The following BORCS8 variants were observed in gnomAD, a reference collection of about 807,000 sequenced individuals.
BORCS8 encodes the protein BLOC-1-related complex subunit 8.
BORCS8 carries 13 observed loss-of-function variants against 18.7 expected under a neutral mutation model. That is an observed-to-expected ratio of 0.70 (90% CI 0.45 to 1.11). The LOEUF is 1.11. BORCS8 is among the 50% of genes least tolerant of loss of function. The probability of loss-of-function intolerance (pLI) is 0.00; values close to 1 mark genes in which losing one functional copy is unlikely to be tolerated. For synonymous variants in BORCS8, 68 were observed against 64.8 expected (o/e 1.05, Z -0.24); for missense variants, 165 against 165.7 (o/e 1.00, Z 0.02).
chr19:19,183,850 G>A (rs904157403), intron 3 of BORCS8, among the ~76,000 whole-genome samples: 5 of 151,538 alleles, frequency 3.3e-5, no homozygotes, highest in Non-Finnish European at 7.4e-5. Context: ...GATTACAGGC[G>A]TGAGCCACTG....
intron 5 of BORCS8, chr19:19,179,306 C>T (rs2238669): frequency 0.33 from 50,374 of 152,564 alleles, 8,826 homozygotes; most frequent in Non-Finnish European, 0.39. Flanking sequence ...CCAGGCCACC[C>T]CTCAGCCTGT....
At chr19:19,188,155 G>A (rs539761678) in intron 1 of BORCS8, among the ~76,000 whole-genome samples, 41 of 151,706 alleles carry the variant, frequency 2.7e-4, no homozygotes, top group African/African-American at 8.7e-4. Flanking sequence ...TCAGCCTCCC[G>A]CGTAGCTGGG....
In BORCS8 at chr19:19,188,130, C is replaced by T. The variant is rs190833322; in HGVS notation, c.38-1125G>A. Among the ~76,000 whole-genome samples the T allele has an allele frequency of 6.8e-4, 103 of 151,868 alleles. 1 individual carries two copies. Among genetic ancestry groups the T allele is most frequent in the Admixed American group, 5.2e-3 (79 of 15,222 alleles). On this transcript the variant is annotated intron_variant, in intron 1 of 5. Coordinates refer to ENST00000462790, the MANE Select transcript of BORCS8 (RefSeq NM_001145784.2). The stretch of plus-strand genomic sequence containing the variant: ...CTGCAAGCTCCACCTCCTGGGTTCA[C>T]GTCATTCTCCCGGCTCAGCCTCCCG...
At chr19:19,188,669 C>A (rs529109722) in intron 1 of BORCS8, among the ~76,000 whole-genome samples, 2 of 148,460 alleles carry the variant, frequency 1.3e-5, no homozygotes, top group African/African-American at 5.1e-5. Context: ...GTGTCCCTCG[C>A]TGGGCACTGA....
At chr19:19,180,514 G>A (rs1478476760) in intron 5 of BORCS8, 172 bp downstream of exon 5, 5 of 626,474 alleles carry the variant, frequency 8.0e-6, no homozygotes, top group African/African-American at 1.8e-5. Flanking sequence ...GCAGCAGGGT[G>A]GAACATTCTG....
At chr19:19,177,719 A>G (rs1298950983) in intron 5 of BORCS8, 35 of 168,194 alleles carry the variant, frequency 2.1e-4, no homozygotes, top group African/African-American at 2.8e-4. Context: ...AAAAGAAAAG[A>G]AAAGAAAAGA....
chr19:19,184,197 A>C (rs897294853), intron 3 of BORCS8, among the ~76,000 whole-genome samples: 1 of 151,784 alleles, frequency 6.6e-6, no homozygotes, highest in African/African-American at 2.4e-5. Context: ...TAACGAGTTA[A>C]AATTGAAGTG....
At chr19:19,181,353 GTA>G (rs1468502695) in intron 4 of BORCS8, among the ~76,000 whole-genome samples, 1 of 151,728 alleles carries the variant, frequency 6.6e-6, no homozygotes, top group Non-Finnish European at 1.5e-5. Flanking sequence ...AAATATATAT[GTA>G]TGTTTTTAAA....
At position 19,187,023 on chromosome 19, in the gene BORCS8, G is replaced by C; in HGVS notation, c.38-18C>G. ...GTCCGTGACTAGATACAGGTGGTAG[G>C]GATGGGGCGGGTGTGGGGAGACAAA... On this transcript the variant is annotated intron_variant, in intron 1 of 5. Transcript: ENST00000462790. The C allele has an allele frequency of 6.5e-7, 1 of 1,537,306 alleles. No homozygotes were observed. Among genetic ancestry groups the C allele is most frequent in the East Asian group, 2.5e-5 (1 of 40,712 alleles).
At chr19:19,189,737 G>A (rs1173072036) in intron 1 of BORCS8, among the ~76,000 whole-genome samples, 3 of 152,200 alleles carry the variant, frequency 2.0e-5, no homozygotes, top group South Asian at 2.1e-4. Context: ...GAGACATGGC[G>A]AAACCCCACC....
intron 3 of BORCS8, among the ~76,000 whole-genome samples, chr19:19,183,588 C>CTT (rs879379985): frequency 1.4e-5 from 2 of 143,628 alleles, no homozygotes; most frequent in Non-Finnish European, 3.1e-5. Flanking sequence ...TTTTTTCTTT[C>CTT]TTTTTTTTTT....
intron 5 of BORCS8, chr19:19,178,866 G>T (rs73537429): frequency 0.16 from 23,761 of 151,576 alleles, 2,068 homozygotes; most frequent in East Asian, 0.37. Context: ...AGGCTGAAGC[G>T]GGATAATCGC....
chr19:19,191,185 T>C (rs965047064), intron 1 of BORCS8, among the ~76,000 whole-genome samples: 5 of 152,004 alleles, frequency 3.3e-5, no homozygotes, highest in Non-Finnish European at 5.9e-5. Flanking sequence ...AAACCCCGTC[T>C]CTACTAAAAA....
At chr19:19,183,695 C>T (rs1175888637) in intron 3 of BORCS8, among the ~76,000 whole-genome samples, 4 of 151,466 alleles carry the variant, frequency 2.6e-5, no homozygotes, top group South Asian at 2.1e-4. Context: ...AGCAATTCTC[C>T]TGCCTCAGCC....
chr19:19,183,430 C>T (rs1383540430), intron 3 of BORCS8, among the ~76,000 whole-genome samples: 3 of 148,654 alleles, frequency 2.0e-5, no homozygotes, highest in Admixed American at 2.0e-4. Context: ...AAAAAATATA[C>T]ATTTCACTAC....
intron 1 of BORCS8, among the ~76,000 whole-genome samples, chr19:19,188,014 T>C (rs2060427546): frequency 6.7e-6 from 1 of 149,484 alleles, no homozygotes; most frequent in Admixed American, 6.6e-5. Flanking sequence ...GGCTAGTTTT[T>C]TCATTTATTT....
chr19:19,186,639 T>G (rs955701089), intron 2 of BORCS8, among the ~76,000 whole-genome samples: 1 of 152,218 alleles, frequency 6.6e-6, no homozygotes, highest in Non-Finnish European at 1.5e-5. Context: ...GATTCTAAGT[T>G]TCCTGAGGCC....
At chr19:19,185,942 G>A in intron 3 of BORCS8, 92 bp downstream of exon 3, 1 of 1,318,476 alleles carries the variant, frequency 7.6e-7, no homozygotes, top group South Asian at 1.3e-5. Flanking sequence ...GCAGGGTGGG[G>A]CTTACTGGGC....
At chr19:19,186,816 A>T in intron 2 of BORCS8, 77 bp downstream of exon 2, 1 of 1,096,538 alleles carries the variant, frequency 9.1e-7, no homozygotes, top group African/African-American at 1.6e-5. Context: ...CTTTGCCACC[A>T]CATGCCTCCT....
Sources: gnomAD v4.1 joint callset for allele counts (sites outside exome capture counted in the v4.1 genomes callset) on GRCh38, gnomAD v4.1.1 for gene constraint, MANE v1.5 for transcripts, NCBI Gene and HGNC (gene_info 2026-07-23, HGNC 2026-07-21) for gene names.